The following GPHN variants were observed in gnomAD, a reference collection of about 807,000 sequenced individuals.
GPHN encodes gephyrin.
GPHN carries 17 observed loss-of-function variants against 95.5 expected under a neutral mutation model. That is an observed-to-expected ratio of 0.18 (90% CI 0.12 to 0.27). The LOEUF (loss-of-function observed/expected upper bound fraction) is 0.27, where lower values mean the gene tolerates loss of function less well. Among genes scored for constraint, GPHN ranks in the 10% least tolerant of loss-of-function variants. The probability of loss-of-function intolerance (pLI) is 1.00; values close to 1 mark genes in which losing one functional copy is unlikely to be tolerated. For missense variants in GPHN, 660 were observed against 978.1 expected (o/e 0.67, Z 4.34); for synonymous variants, 320 against 322.5 (o/e 0.99, Z 0.08).
chr14:67,153,632 T>G (rs1323534916), intron 18 of GPHN, among the ~76,000 whole-genome samples: 3 of 152,202 alleles, frequency 2.0e-5, no homozygotes, highest in Non-Finnish European at 4.4e-5. Context: ...TTATTCAGTT[T>G]CATTGCTGTA....
the GPHN span, among the ~76,000 whole-genome samples, chr14:67,481,182 C>T: frequency 2.6e-5 from 4 of 152,124 alleles, no homozygotes; most frequent in African/African-American, 9.7e-5. Context: ...GTCCCAGACG[C>T]TAAGGCAGGA....
At chr14:67,548,095 C>T in the GPHN span, among the ~76,000 whole-genome samples, 1 of 152,194 alleles carries the variant, frequency 6.6e-6, no homozygotes. Context: ...ACATCATTTT[C>T]CCTAGCTGTC....
chr14:66,558,246 A>G (rs17827790), intron 1 of GPHN, among the ~76,000 whole-genome samples: 38,372 of 152,018 alleles, frequency 0.25, 9,759 homozygotes, highest in African/African-American at 0.62. Context: ...CTGAGGAACT[A>G]TAGCATCATG....
intron 1 of GPHN, among the ~76,000 whole-genome samples, chr14:66,540,532 G>A (rs1013264105): frequency 6.6e-5 from 10 of 152,108 alleles, no homozygotes; most frequent in South Asian, 2.1e-4. Flanking sequence ...TCTGTCTTCC[G>A]TGATAATCAG....
the GPHN span, among the ~76,000 whole-genome samples, chr14:67,377,790 C>A: frequency 6.6e-6 from 1 of 152,076 alleles, no homozygotes; most frequent in African/African-American, 2.4e-5. Context: ...TCTCTTGGAG[C>A]AAACACTGCG....
At chr14:66,867,525 G>C (rs545260057) in intron 4 of GPHN, among the ~76,000 whole-genome samples, 19 of 152,216 alleles carry the variant, frequency 1.2e-4, no homozygotes, top group African/African-American at 4.6e-4. Flanking sequence ...TCCACTACAT[G>C]ATGTCCCAAG....
At chr14:66,563,124 G>T (rs144718761) in intron 1 of GPHN, among the ~76,000 whole-genome samples, 1 of 152,112 alleles carries the variant, frequency 6.6e-6, no homozygotes, top group African/African-American at 2.4e-5. Context: ...TATAATCTAT[G>T]AAGAACTTAT....
rs577111496 is a variant in GPHN at position 66,537,076 on chromosome 14, A to G, written c.64+28485A>G. ...ATATAGTCACTCTTTCTTTTCATCA[A>G]TACTTCCATGGTATGATTTTTTCTT... On this transcript the variant is annotated intron_variant, in intron 1 of 22. Coordinates refer to ENST00000478722, the MANE Select transcript of GPHN (RefSeq NM_020806.5). Among the ~76,000 whole-genome samples, 16 of 152,180 alleles carry G rather than the reference A, an allele frequency of 1.1e-4. 2 individuals are homozygous for G. The highest frequency in any genetic ancestry group is 3.1e-4 in the African/African-American group (13 of 41,534).
chr14:66,975,064 T>C (rs1004739516), intron 9 of GPHN, among the ~76,000 whole-genome samples: 3 of 152,232 alleles, frequency 2.0e-5, no homozygotes, highest in Non-Finnish European at 2.9e-5. Context: ...TTAACCTATC[T>C]TGCTTACTTA....
Position 66,647,665 on chromosome 14 carries a change from A to G in GPHN, c.65-33442A>G, listed in dbSNP as rs1261180356. ...AATAAAATAGAATAATTATAATAAT[A>G]TAAGTTATGTGAATGTGTTCTCTGT... is the stretch of plus-strand genomic sequence containing the variant. On this transcript the variant is annotated intron_variant, in intron 1 of 22. Coordinates refer to ENST00000478722, the MANE Select transcript of GPHN (RefSeq NM_020806.5). Among the ~76,000 whole-genome samples, 5 of 152,120 alleles carry G rather than the reference A, an allele frequency of 3.3e-5. No individual in the cohort carries two copies. In the East Asian group the frequency reaches 9.6e-4, roughly 29 times the overall value.
chr14:66,828,732 G>A (rs1287251818), intron 4 of GPHN, among the ~76,000 whole-genome samples: 1 of 152,022 alleles, frequency 6.6e-6, no homozygotes, highest in Middle Eastern at 3.2e-3. Flanking sequence ...TTGTCAATGG[G>A]TATGAGCTCT....
At chr14:67,235,069 T>C in the GPHN span, among the ~76,000 whole-genome samples, 2 of 151,530 alleles carry the variant, frequency 1.3e-5, no homozygotes, top group South Asian at 4.2e-4. Context: ...GGCAGGAGAA[T>C]CTCTGGAACC....
At position 66,824,896 on chromosome 14, in the gene GPHN, A is replaced by G. The variant is rs138497054; in HGVS notation, c.294+330A>G. On this transcript the variant is annotated intron_variant, in intron 4 of 22. Coordinates refer to ENST00000478722, the MANE Select transcript of GPHN (RefSeq NM_020806.5). ...GATGGTTAGCATGGCATCTGGTCTG[A>G]TGTGCTTTGTCAATACAATTCTTTT... is the stretch of plus-strand genomic sequence containing the variant. 1.3e-4 allele frequency among the ~76,000 whole-genome samples: 20 copies of G among 152,258 alleles called. No homozygotes were observed. In the East Asian group the frequency reaches 3.9e-3, roughly 29 times the overall value.
chr14:66,609,856 T>C (rs958384181), intron 1 of GPHN, among the ~76,000 whole-genome samples: 1 of 152,184 alleles, frequency 6.6e-6, no homozygotes, highest in African/African-American at 2.4e-5. Flanking sequence ...ATTCCTTTGA[T>C]TCCTTGAATT....
chr14:67,588,743 G>C, the GPHN span: 1 of 152,530 alleles, frequency 6.6e-6, no homozygotes, highest in Admixed American at 6.5e-5. Flanking sequence ...TTTAGCAGTA[G>C]CACCCAAAAC....
At chr14:67,133,010 G>A (rs2079819775) in intron 17 of GPHN, among the ~76,000 whole-genome samples, 1 of 151,896 alleles carries the variant, frequency 6.6e-6, no homozygotes, top group Non-Finnish European at 1.5e-5. Flanking sequence ...CAAGAACCAT[G>A]CTTTCTTCTT....
chr14:67,497,830 G>A, the GPHN span, among the ~76,000 whole-genome samples: 1 of 152,020 alleles, frequency 6.6e-6, no homozygotes, highest in Non-Finnish European at 1.5e-5. Context: ...TATCTTGTGG[G>A]TGTTTGTGTA....
chr14:67,352,363 C>T, the GPHN span, among the ~76,000 whole-genome samples: 12 of 149,260 alleles, frequency 8.0e-5, no homozygotes, highest in African/African-American at 1.2e-4. Context: ...CACAGCTACT[C>T]GAGAGGCTGA....
chr14:67,000,196 C>A (rs2072119969), intron 9 of GPHN, among the ~76,000 whole-genome samples: 1 of 151,744 alleles, frequency 6.6e-6, no homozygotes, highest in Admixed American at 6.6e-5. Context: ...TCTAAACAAA[C>A]TTGGACTGCC....
Sources: allele counts gnomAD v4.1 joint callset (sites outside exome capture counted in the v4.1 genomes callset), GRCh38; gene constraint gnomAD v4.1.1; transcripts MANE v1.5; gene names NCBI Gene and HGNC (gene_info 2026-07-23, HGNC 2026-07-21).